Variants in PPM1G observed in about 807,000 individuals in gnomAD.
The protein encoded by PPM1G is protein phosphatase 1G.
A neutral mutation model predicts 59.4 loss-of-function variants in PPM1G; 12 were observed. The observed-to-expected ratio is 0.20, with a 90% confidence interval of 0.13 to 0.33. PPM1G has a LOEUF of 0.33. Ranked by LOEUF, PPM1G falls within the 10% of genes least tolerant of loss-of-function variation. The pLI is 1.00. For missense variants in PPM1G, 392 were observed against 681.3 expected (o/e 0.58, Z 4.73); for synonymous variants, 245 against 251.9 (o/e 0.97, Z 0.26).
At chr2:27,395,901 C>T (rs1257507609) in intron 1 of PPM1G, among the ~76,000 whole-genome samples, 3 of 150,048 alleles carry the variant, frequency 2.0e-5, no homozygotes, top group Non-Finnish European at 4.4e-5. Flanking sequence ...ATAATAACAA[C>T]TGCTAGCAAG....
intron 1 of PPM1G, among the ~76,000 whole-genome samples, chr2:27,405,831 C>G (rs898479450): frequency 1.3e-5 from 2 of 151,866 alleles, no homozygotes; most frequent in African/African-American, 4.8e-5. Flanking sequence ...GGAGAGACCC[C>G]CATCTCTACT....
At chr2:27,404,150 A>G (rs1663273343) in intron 1 of PPM1G, among the ~76,000 whole-genome samples, 1 of 152,122 alleles carries the variant, frequency 6.6e-6, no homozygotes, top group African/African-American at 2.4e-5. Context: ...CCCCTTGACC[A>G]CTAATAAGCC....
At chr2:27,393,400 AGTGGTG>A in intron 1 of PPM1G, 2 of 1,378,838 alleles carry the variant, frequency 1.5e-6, no homozygotes, top group Non-Finnish European at 2.0e-6. Flanking sequence ...CGGCAGCGGC[AGTGGTG>A]GCTACGCGGC....
chr2:27,400,070 T>C (rs1164586662), intron 1 of PPM1G, among the ~76,000 whole-genome samples: 2 of 152,084 alleles, frequency 1.3e-5, no homozygotes, highest in African/African-American at 2.4e-5. Context: ...GAAACACTGA[T>C]TGATTCATGA....
chr2:27,398,522 C>A (rs1225056590), intron 1 of PPM1G, among the ~76,000 whole-genome samples: 2 of 152,092 alleles, frequency 1.3e-5, no homozygotes, highest in East Asian at 1.9e-4. Context: ...TCAAAAGACA[C>A]CATCAAGAAA....
intron 1 of PPM1G, among the ~76,000 whole-genome samples, chr2:27,394,497 G>A (rs566066270): frequency 3.5e-4 from 53 of 151,730 alleles, no homozygotes; most frequent in African/African-American, 1.2e-3. Context: ...TTGGGAGGCC[G>A]AGGCAGGCGG....
Position 27,395,728 on chromosome 2 carries a change from C to T in PPM1G, c.121-8570G>A, listed in dbSNP as rs763485817. Among the ~76,000 whole-genome samples the T allele has an allele frequency of 4.6e-5, 7 of 151,448 alleles. 1 individual carries two copies. In the East Asian group the frequency reaches 1.2e-3, roughly 25 times the overall value. ...CAAGTGGTGGTGCACACCTGCAGTC[C>T]CACCTATGTGGAGGCTGAGGTGGCA... On this transcript the variant is annotated intron_variant, in intron 1 of 9. Transcript: ENST00000344034.
intron 1 of PPM1G, among the ~76,000 whole-genome samples, chr2:27,388,205 T>C (rs1165813939): frequency 6.6e-6 from 1 of 150,984 alleles, no homozygotes; most frequent in Admixed American, 6.6e-5. Flanking sequence ...AGTCAAGAGA[T>C]CAATACCATC....
intron 1 of PPM1G, among the ~76,000 whole-genome samples, chr2:27,393,709 C>A (rs1035906683): frequency 6.6e-6 from 1 of 152,078 alleles, no homozygotes; most frequent in African/African-American, 2.4e-5. Flanking sequence ...CTCAGCCTCC[C>A]GAGTAGCTGG....
At chr2:27,392,872 T>C (rs975316182) in intron 1 of PPM1G, 35 of 1,445,290 alleles carry the variant, frequency 2.4e-5, no homozygotes, top group Non-Finnish European at 3.2e-5. Context: ...CTCGTGCATG[T>C]TGGTCACGTG....
intron 1 of PPM1G, among the ~76,000 whole-genome samples, chr2:27,401,931 T>C (rs1316256151): frequency 2.0e-5 from 3 of 152,154 alleles, no homozygotes; most frequent in African/African-American, 7.2e-5. Context: ...ATTATACTCT[T>C]AAAGTGAGTT....
At chr2:27,397,003 G>C (rs1684067381) in intron 1 of PPM1G, among the ~76,000 whole-genome samples, 1 of 151,910 alleles carries the variant, frequency 6.6e-6, no homozygotes, top group Admixed American at 6.6e-5. Flanking sequence ...CCAATTAGCT[G>C]AGATTACATG....
chr2:27,389,295 A>G (rs1368364616), intron 1 of PPM1G, among the ~76,000 whole-genome samples: 1 of 152,156 alleles, frequency 6.6e-6, no homozygotes, highest in East Asian at 1.9e-4. Flanking sequence ...TCTGAAATTT[A>G]GCACCCATTT....
In PPM1G at chr2:27,385,988, G is replaced by A; in HGVS notation, c.277-109C>T. Reference sequence around the variant, plus strand: ...AAGAGTGTGAGCCACCACACTAAGAGACACTCACAGATAAAAACAGCTCAG... The same window carrying A: ...AAGAGTGTGAGCCACCACACTAAGAAACACTCACAGATAAAAACAGCTCAG... On this transcript the variant is annotated intron_variant, in intron 3 of 9. Transcript: ENST00000344034. The surrounding 1 kb of genome is among the most constrained non-coding windows in gnomAD (Gnocchi z 4.1). 2 of 1,385,790 alleles carry A rather than the reference G, an allele frequency of 1.4e-6. No homozygotes were observed. Among genetic ancestry groups the A allele is most frequent in the Non-Finnish European group, 2.0e-6 (2 of 1,025,174 alleles). The allele number at this position is 1,385,790 out of a possible 1,614,324, so 85.8% of individuals were successfully genotyped here.
rs190867896 is a variant in PPM1G, at chr2:27,409,197, G to A, written c.120+106C>T. 3.6e-4 allele frequency: 507 copies of A among 1,396,054 alleles called. 2 individuals are homozygous for A. The African/African-American group carries it at 7.0e-3, about 19-fold the overall frequency. The allele number at this position is 1,396,054 out of a possible 1,614,324, so 86.5% of individuals were successfully genotyped here. On this transcript the variant is annotated intron_variant, in intron 1 of 9. Transcript: ENST00000344034. ...CCCGCAAACGGCCGCTGCGGCCGCA[G>A]GCTCCCAATTGGGACCCTTCCCAGG...
In PPM1G at chr2:27,385,714, G is replaced by A. The variant is rs1683744587; in HGVS notation, c.409+33C>T. ...ATTAAAGAATATTTCTTAAAATGCT[G>A]ATTTCCCCTCAAACAAGGGATGCCA... On this transcript the variant is annotated intron_variant, in intron 4 of 9. Transcript: ENST00000344034. This position sits in a 1 kb window ranked among gnomAD's most constrained non-coding sequence, Gnocchi z 4.1. The A allele has an allele frequency of 6.3e-7, 1 of 1,591,160 alleles. No homozygotes were observed. The highest frequency in any genetic ancestry group is 8.5e-7 in the Non-Finnish European group (1 of 1,172,368).
intron 1 of PPM1G, among the ~76,000 whole-genome samples, chr2:27,394,968 G>C (rs1014945413): frequency 6.6e-6 from 1 of 151,560 alleles, no homozygotes; most frequent in Admixed American, 6.6e-5. Flanking sequence ...AGTGGCTCAC[G>C]CCTGTAATCC....
Position 27,409,481 on chromosome 2 carries a change from C to A in PPM1G, c.-59G>T. 7.1e-7 allele frequency: 1 copy of A among 1,414,184 alleles called. No homozygotes were observed. The highest frequency in any genetic ancestry group is 9.2e-7 in the Non-Finnish European group (1 of 1,088,272). 87.6% of individuals were successfully genotyped at this position (1,414,184 alleles called of 1,614,324 possible). A position where few individuals can be genotyped will look rare whatever the true frequency, so the allele number is the denominator to read the frequency against. On this transcript the variant is annotated 5_prime_UTR_variant, in exon 1 of 10. Coordinates refer to ENST00000344034, the MANE Select transcript of PPM1G (RefSeq NM_177983.3). ...AAGCTGGGCGCGACCCGTGCCGGAG[C>A]CGAAGCCCCGGGGGTGCGCGCGGCA... is the stretch of plus-strand genomic sequence containing the variant.
In PPM1G at chr2:27,381,296, G is replaced by C. The variant is rs906442612; in HGVS notation, c.*303C>G. The C allele has an allele frequency of 2.8e-5, 13 of 461,202 alleles. No homozygotes were observed. The highest frequency in any genetic ancestry group is 5.8e-5 in the African/African-American group (3 of 51,368). 28.6% of individuals were successfully genotyped at this position (461,202 alleles called of 1,614,324 possible). On this transcript the variant is annotated 3_prime_UTR_variant, in exon 10 of 10. Transcript: ENST00000344034. ...GGGCCATGGAGCCGCCAATAAAAAA[G>C]AATGTCCTTAAATAAAGTTCACAGA...
Sources: allele counts gnomAD v4.1 joint callset (sites outside exome capture counted in the v4.1 genomes callset), GRCh38; gene constraint gnomAD v4.1.1; non-coding constraint Gnocchi (gnomAD v3.1); transcripts MANE v1.5; gene names NCBI Gene and HGNC (gene_info 2026-07-23, HGNC 2026-07-21).